Variants in GRIN2B observed in about 807,000 individuals in gnomAD.
The protein encoded by GRIN2B is glutamate ionotropic receptor NMDA type subunit 2B, also known as glutamate receptor ionotropic, NMDA 2B.
In GRIN2B, 5 loss-of-function variants were observed where a neutral mutation model predicts 114.5. That is an observed-to-expected ratio of 0.04 (90% CI 0.02 to 0.09). The LOEUF (loss-of-function observed/expected upper bound fraction) is 0.09. Among genes scored for constraint, GRIN2B ranks in the 10% least tolerant of loss-of-function variants. The pLI is 1.00. For missense variants in GRIN2B, 1,108 were observed against 1,943.5 expected, an observed-to-expected ratio of 0.57 and a Z score of 8.08; for synonymous variants, 787 against 745.1, an observed-to-expected ratio of 1.06 and a Z score of -0.92.
intron 2 of GRIN2B, among the ~76,000 whole-genome samples, chr12:13,975,103 C>CA (rs1157397121): frequency 6.6e-6 from 1 of 152,012 alleles, no homozygotes; most frequent in Non-Finnish European, 1.5e-5. Flanking sequence ...AAAAACAAAA[C>CA]AAAAAAAGAA....
Position 13,692,760 on chromosome 12 carries a change from C to CTT in GRIN2B, c.1011-16903_1011-16902dup, listed in dbSNP as rs71067718. ...ACTTATTTTCATTAATCTTTCTTTT[C>CTT]TTTTTTTTTTTTTTTTTTTTTTTTT... On this transcript the variant is annotated intron_variant, in intron 4 of 13. Coordinates refer to ENST00000609686, the MANE Select transcript of GRIN2B (RefSeq NM_000834.5). Among the ~76,000 whole-genome samples, 209 of 52,036 alleles carry CTT rather than the reference C, an allele frequency of 4.0e-3. 1 individual carries two copies. Among genetic ancestry groups the CTT allele is most frequent in the African/African-American group, 7.0e-3 (74 of 10,518 alleles). 34.1% of individuals were successfully genotyped at this position (52,036 alleles called of 152,430 possible). A position where few individuals can be genotyped will look rare whatever the true frequency, so the allele number is the denominator to read the frequency against.
Position 13,603,266 on chromosome 12 carries a change from C to G in GRIN2B, c.2010+5337G>C, listed in dbSNP as rs568331597. On this transcript the variant is annotated intron_variant, in intron 10 of 13. Coordinates refer to ENST00000609686, the MANE Select transcript of GRIN2B (RefSeq NM_000834.5). Reference sequence around the variant, plus strand: ...TACTATCTATCTAATTATTATGGCTCAATTAATTAGATAGCTACATGTTAG... The same window carrying G: ...TACTATCTATCTAATTATTATGGCTGAATTAATTAGATAGCTACATGTTAG... Among the ~76,000 whole-genome samples, 11 of 152,192 alleles carry G rather than the reference C, an allele frequency of 7.2e-5. No individual in the cohort carries two copies. In the East Asian group the frequency reaches 2.1e-3, roughly 29 times the overall value.
intron 12 of GRIN2B, 49 bp downstream of exon 12, chr12:13,569,781 C>CT (rs1458377739): frequency 8.7e-7 from 1 of 1,148,046 alleles, no homozygotes; most frequent in African/African-American, 1.5e-5. Context: ...ATGTTTTGGA[C>CT]TGGCCATCAG....
intron 3 of GRIN2B, among the ~76,000 whole-genome samples, chr12:13,860,462 G>A (rs1865733623): frequency 1.3e-5 from 2 of 152,146 alleles, no homozygotes; most frequent in Non-Finnish European, 2.9e-5. Context: ...CCAAGTAGCT[G>A]TGATTACAGG....
At chr12:13,791,184 C>T (rs117110500) in intron 3 of GRIN2B, among the ~76,000 whole-genome samples, 2,243 of 152,158 alleles carry the variant, frequency 0.015, 25 homozygotes, top group Middle Eastern at 0.024. Context: ...CATGTCCTGG[C>T]GAGGCGCGGT....
chr12:13,876,078 A>C (rs953956199), intron 2 of GRIN2B, among the ~76,000 whole-genome samples: 37 of 152,366 alleles, frequency 2.4e-4, no homozygotes, highest in Admixed American at 2.3e-3. Flanking sequence ...AATAGTAGTG[A>C]AAACGGCAGA....
intron 3 of GRIN2B, among the ~76,000 whole-genome samples, chr12:13,860,540 G>T (rs889999919): frequency 2.0e-5 from 3 of 152,088 alleles, no homozygotes; most frequent in Admixed American, 6.5e-5. Flanking sequence ...GGCCAGAATG[G>T]TCTCGAACTC....
chr12:13,794,217 AAAAAAAGAAAAAGAAAAG>A, intron 3 of GRIN2B, among the ~76,000 whole-genome samples: 3 of 151,082 alleles, frequency 2.0e-5, no homozygotes, highest in Non-Finnish European at 3.0e-5. Flanking sequence ...CAAAAAAAAA[AAAAAAAGAAAAAGAAAAG>A]AAAAAAAGAA....
chr12:13,646,690 T>A (rs1949764316), intron 5 of GRIN2B, among the ~76,000 whole-genome samples: 1 of 151,986 alleles, frequency 6.6e-6, no homozygotes, highest in African/African-American at 2.4e-5. Flanking sequence ...TTCTCTTATT[T>A]CCGTATTTAT....
chr12:13,874,802 G>GA (rs1865970253), intron 2 of GRIN2B, among the ~76,000 whole-genome samples: 1 of 152,130 alleles, frequency 6.6e-6, no homozygotes, highest in African/African-American at 2.4e-5. Flanking sequence ...AGGGCAGCAG[G>GA]AAAATCTCAA....
At chr12:13,872,081 C>T (rs10772714) in intron 2 of GRIN2B, among the ~76,000 whole-genome samples, 24,810 of 151,488 alleles carry the variant, frequency 0.16, 2,115 homozygotes, top group South Asian at 0.2. Flanking sequence ...AAGAAGGAAA[C>T]GAGCCTTGCT....
At chr12:13,774,015 T>C (rs1459969072) in intron 3 of GRIN2B, among the ~76,000 whole-genome samples, 1 of 152,204 alleles carries the variant, frequency 6.6e-6, no homozygotes. Flanking sequence ...ACTCAGACTG[T>C]CCAGTTCTCT....
rs1003200098 is a variant in GRIN2B, at chr12:13,537,403, T to A, written c.*25380A>T. The A allele has an allele frequency of 2.0e-5, 3 of 152,168 alleles. No homozygotes were observed. Among genetic ancestry groups the A allele is most frequent in the African/African-American group, 7.2e-5 (3 of 41,450 alleles). The allele number at this position is 152,168 out of a possible 1,614,324, so 9.4% of individuals were successfully genotyped here. ...ATAGAGGAGCTTTGCAGTATGTCTA[T>A]ATCTAGCCGTGTATGCTGGGGATAG... is the stretch of plus-strand genomic sequence containing the variant. On this transcript the variant is annotated 3_prime_UTR_variant, in exon 14 of 14. Coordinates refer to ENST00000609686, the MANE Select transcript of GRIN2B (RefSeq NM_000834.5).
At chr12:13,581,277 GAA>G (rs1948844118) in intron 10 of GRIN2B, among the ~76,000 whole-genome samples, 1 of 152,172 alleles carries the variant, frequency 6.6e-6, no homozygotes, top group South Asian at 2.1e-4. Flanking sequence ...AGCAAGTACA[GAA>G]ACTGACATTA....
At chr12:13,887,424 T>G (rs1239944660) in intron 2 of GRIN2B, among the ~76,000 whole-genome samples, 1 of 151,926 alleles carries the variant, frequency 6.6e-6, no homozygotes, top group Non-Finnish European at 1.5e-5. Flanking sequence ...GAAAAAAAAG[T>G]TTTCTCTATC....
intron 2 of GRIN2B, among the ~76,000 whole-genome samples, chr12:13,944,514 C>A (rs929662536): frequency 2.6e-5 from 4 of 152,192 alleles, no homozygotes; most frequent in Non-Finnish European, 5.9e-5. Context: ...TACAGAGAGA[C>A]ACTTACTGAG....
intron 2 of GRIN2B, among the ~76,000 whole-genome samples, chr12:13,922,995 GA>G (rs1245197166): frequency 3.3e-5 from 5 of 151,526 alleles, no homozygotes; most frequent in South Asian, 4.2e-4. Context: ...TATCTCTGAG[GA>G]AAAAAAATAA....
At chr12:13,723,374 C>CT (rs1862914263) in intron 4 of GRIN2B, among the ~76,000 whole-genome samples, 2 of 151,854 alleles carry the variant, frequency 1.3e-5, no homozygotes, top group Admixed American at 6.6e-5. Context: ...GATGAATGAC[C>CT]ACTTGCTGTC....
chr12:13,659,457 T>G (rs1451706167), intron 5 of GRIN2B, among the ~76,000 whole-genome samples: 3 of 152,170 alleles, frequency 2.0e-5, no homozygotes, highest in Non-Finnish European at 4.4e-5. Flanking sequence ...CTGGATGAAT[T>G]TTTTGAAGAG....
Sources: gnomAD v4.1 joint callset for allele counts (sites outside exome capture counted in the v4.1 genomes callset) on GRCh38, gnomAD v4.1.1 for gene constraint, MANE v1.5 for transcripts, NCBI Gene and HGNC (gene_info 2026-07-23, HGNC 2026-07-21) for gene names.